The following PEX5L variants were observed in gnomAD, a reference collection of about 807,000 sequenced individuals.
PEX5L encodes the protein peroxisomal biogenesis factor 5 like, also known as PEX5-related protein.
In PEX5L, 30 loss-of-function variants were observed where a neutral mutation model predicts 84.0. The observed-to-expected ratio is 0.36, with a 90% confidence interval of 0.27 to 0.48. The LOEUF is 0.48. Ranked by LOEUF, PEX5L falls within the 20% of genes least tolerant of loss-of-function variation. The pLI is 0.99. For missense variants in PEX5L, 533 were observed against 754.6 expected (o/e 0.71, Z 3.44); for synonymous variants, 270 against 283.1 (o/e 0.95, Z 0.46).
In PEX5L at chr3:179,801,397, T is replaced by C; in HGVS notation, c.*431A>G. 5.5e-6 allele frequency: 1 copy of C among 181,368 alleles called. No individual in the cohort carries two copies. Among genetic ancestry groups the C allele is most frequent in the South Asian group, 1.2e-4 (1 of 8,180 alleles). The allele number at this position is 181,368 out of a possible 1,614,324, so 11.2% of individuals were successfully genotyped here. On this transcript the variant is annotated 3_prime_UTR_variant, in exon 15 of 15. Transcript: ENST00000467460. ...CAATGGCCCAAACTATGTTCAGTCT[T>C]GCAAAAGAAGACAGTTCAGAAACAG...
At chr3:179,851,949 C>T (rs1309299378) in intron 8 of PEX5L, among the ~76,000 whole-genome samples, 1 of 152,142 alleles carries the variant, frequency 6.6e-6, no homozygotes, top group Admixed American at 6.5e-5. Context: ...GGGTAATCTT[C>T]CAATTTTGGG....
chr3:179,841,137 C>G (rs1737108188), intron 8 of PEX5L, among the ~76,000 whole-genome samples: 1 of 152,130 alleles, frequency 6.6e-6, no homozygotes, highest in African/African-American at 2.4e-5. Context: ...TTGCTTGGCA[C>G]AGAGCCCACA....
chr3:179,922,233 T>A (rs1419280479), intron 2 of PEX5L, among the ~76,000 whole-genome samples: 6 of 152,136 alleles, frequency 3.9e-5, no homozygotes, highest in Non-Finnish European at 8.8e-5. Context: ...ACAGATGTAA[T>A]CCTTGTGGAG....
intron 8 of PEX5L, among the ~76,000 whole-genome samples, chr3:179,840,161 TTG>T (rs1235556692): frequency 1.2e-4 from 15 of 123,766 alleles, no homozygotes; most frequent in African/African-American, 3.0e-4. Context: ...AAGTTGTTTT[TTG>T]TGTGTGTGTG....
chr3:179,943,992 A>G (rs1316600814), intron 2 of PEX5L, among the ~76,000 whole-genome samples: 1 of 151,204 alleles, frequency 6.6e-6, no homozygotes, highest in Non-Finnish European at 1.5e-5. Flanking sequence ...TGCCAGAAGA[A>G]TATGCCCTCC....
intron 9 of PEX5L, among the ~76,000 whole-genome samples, chr3:179,816,518 A>G (rs1233591393): frequency 6.6e-6 from 1 of 152,168 alleles, no homozygotes; most frequent in African/African-American, 2.4e-5. Flanking sequence ...GTTCTCACTC[A>G]TAAGTGGGAG....
intron 2 of PEX5L, among the ~76,000 whole-genome samples, chr3:179,923,133 C>CA (rs199769165): frequency 0.15 from 22,007 of 150,640 alleles, 1,732 homozygotes; most frequent in South Asian, 0.3. Context: ...ATTAAAAATA[C>CA]AAAAAAAATT....
At position 179,900,823 on chromosome 3, in the gene PEX5L, T is replaced by C. The variant is rs1384807431; in HGVS notation, c.94-2577A>G. The C allele has an allele frequency of 1.8e-5, 14 of 787,508 alleles. No individual in the cohort carries two copies. The South Asian group carries it at 1.8e-4, about 10-fold the overall frequency. The allele number at this position is 787,508 out of a possible 1,614,324, so 48.8% of individuals were successfully genotyped here. ...TTTTGGCTTTTGCGATAATACCCCA[T>C]GAGCGTCACTGTTTTACAAGTGCGG... On this transcript the variant is annotated intron_variant, in intron 2 of 14. Coordinates refer to ENST00000467460, the MANE Select transcript of PEX5L (RefSeq NM_016559.3).
intron 2 of PEX5L, among the ~76,000 whole-genome samples, chr3:179,945,999 T>G (rs1345389454): frequency 6.6e-6 from 1 of 151,082 alleles, no homozygotes; most frequent in Non-Finnish European, 1.5e-5. Context: ...ATAGATGTGT[T>G]GATCTGCAGT....
intron 2 of PEX5L, among the ~76,000 whole-genome samples, chr3:179,898,583 C>G (rs1002692800): frequency 1.6e-4 from 25 of 152,048 alleles, no homozygotes; most frequent in African/African-American, 6.0e-4. Flanking sequence ...CTGCTACGTT[C>G]ATTTATAAAT....
intron 2 of PEX5L, among the ~76,000 whole-genome samples, chr3:179,919,092 T>C (rs999311286): frequency 3.3e-5 from 5 of 152,190 alleles, no homozygotes; most frequent in African/African-American, 1.2e-4. Context: ...ACATCCTGGA[T>C]TGTTTTTTGT....
At position 179,810,580 on chromosome 3, in the gene PEX5L, G is replaced by C. The variant is rs576231020; in HGVS notation, c.1155-912C>G. Among the ~76,000 whole-genome samples, 3 of 152,252 alleles carry C rather than the reference G, an allele frequency of 2.0e-5. No individual in the cohort carries two copies. In the East Asian group the frequency reaches 5.8e-4, roughly 29 times the overall value. ...TCATTCTCATCCAGTAGGTCTACTGGGGTGGGCCTGGGATTGTGCAGGTTT... is the reference window on the plus strand; with the variant it reads ...TCATTCTCATCCAGTAGGTCTACTGCGGTGGGCCTGGGATTGTGCAGGTTT... On this transcript the variant is annotated intron_variant, in intron 11 of 14. Transcript: ENST00000467460.
chr3:180,019,818 T>A (rs1579371133), intron 1 of PEX5L, among the ~76,000 whole-genome samples: 1 of 152,216 alleles, frequency 6.6e-6, no homozygotes, highest in East Asian at 1.9e-4. Context: ...TCTGTTTTGA[T>A]GAGATAATCT....
At chr3:180,018,015 T>C (rs1790087353) in intron 1 of PEX5L, among the ~76,000 whole-genome samples, 1 of 152,148 alleles carries the variant, frequency 6.6e-6, no homozygotes, top group African/African-American at 2.4e-5. Flanking sequence ...AGTTTGGAAA[T>C]CAGATAAGCT....
chr3:179,916,449 A>G (rs958032227), intron 2 of PEX5L, among the ~76,000 whole-genome samples: 1 of 152,212 alleles, frequency 6.6e-6, no homozygotes, highest in African/African-American at 2.4e-5. Flanking sequence ...TGGTATACCA[A>G]TATAGGGTAC....
chr3:179,796,121 A>G lies in PEX5L; in HGVS notation c.*5707T>C, dbSNP rs1716837979. 1 of 152,158 alleles carries G rather than the reference A, an allele frequency of 6.6e-6. No individual in the cohort carries two copies. The highest frequency in any genetic ancestry group is 6.5e-5 in the Admixed American group (1 of 15,278). 9.4% of individuals were successfully genotyped at this position (152,158 alleles called of 1,614,324 possible). ...GCTCGAATTACCGAGCTGAGTGTGT[A>G]TACCTCTTAGTCTTTTTGTGTTATA... On this transcript the variant is annotated 3_prime_UTR_variant, in exon 15 of 15. Transcript: ENST00000467460.
chr3:179,946,782 C>G (rs1777663994), intron 2 of PEX5L, among the ~76,000 whole-genome samples: 1 of 152,240 alleles, frequency 6.6e-6, no homozygotes, highest in Non-Finnish European at 1.5e-5. Flanking sequence ...TCATTAATAA[C>G]AGCACACAGC....
intron 4 of PEX5L, among the ~76,000 whole-genome samples, chr3:179,884,455 C>T (rs951727135): frequency 3.3e-5 from 5 of 152,132 alleles, no homozygotes; most frequent in African/African-American, 1.2e-4. Flanking sequence ...CCTCTAGAAG[C>T]TGGAAAAAGC....
At chr3:179,959,207 A>T (rs1781407262) in intron 2 of PEX5L, among the ~76,000 whole-genome samples, 1 of 152,142 alleles carries the variant, frequency 6.6e-6, no homozygotes, top group African/African-American at 2.4e-5. Flanking sequence ...TCTAAAAAAC[A>T]TCTTTGGTAA....
Sources: gnomAD v4.1 joint callset for allele counts (sites outside exome capture counted in the v4.1 genomes callset) on GRCh38, gnomAD v4.1.1 for gene constraint, MANE v1.5 for transcripts, NCBI Gene and HGNC (gene_info 2026-07-23, HGNC 2026-07-21) for gene names.